Variants in ANO3 observed in about 807,000 individuals in gnomAD.
ANO3 encodes the protein anoctamin 3.
Under a neutral mutation model 144.8 loss-of-function variants are expected in ANO3, and 99 were observed. The ratio of observed to expected loss-of-function variants is 0.68; its 90% CI spans 0.58 to 0.81. The LOEUF (loss-of-function observed/expected upper bound fraction) is 0.81, where lower values mean the gene tolerates loss of function less well. Among genes scored for constraint, ANO3 ranks in the 30% least tolerant of loss-of-function variants. The probability of loss-of-function intolerance (pLI) is 0.00; values close to 1 mark genes in which losing one functional copy is unlikely to be tolerated. For missense variants in ANO3, 905 were observed against 1,202.2 expected, an observed-to-expected ratio of 0.75 and a Z score of 3.66; for synonymous variants, 414 against 392.6, an observed-to-expected ratio of 1.05 and a Z score of -0.64.
intron 17 of ANO3, among the ~76,000 whole-genome samples, chr11:26,600,838 C>T (rs1008657316): frequency 6.6e-5 from 10 of 151,882 alleles, no homozygotes; most frequent in African/African-American, 2.4e-4. Context: ...GCTTATTTAA[C>T]TTAAATCATC....
chr11:26,404,684 C>A (rs1295217019), intron 1 of ANO3, among the ~76,000 whole-genome samples: 1 of 151,318 alleles, frequency 6.6e-6, no homozygotes, highest in Non-Finnish European at 1.5e-5. Context: ...AGTAAGGAGT[C>A]GAAGGGAGGG....
intron 1 of ANO3, among the ~76,000 whole-genome samples, chr11:26,335,571 G>T (rs1855170703): frequency 6.6e-6 from 1 of 152,068 alleles, no homozygotes; most frequent in Non-Finnish European, 1.5e-5. Context: ...AATTCCCATA[G>T]AAATTTTTAG....
chr11:26,245,018 T>TGTGTGTGCGCGC (rs151031559), intron 1 of ANO3, among the ~76,000 whole-genome samples: 12,191 of 145,336 alleles, frequency 0.084, 706 homozygotes, highest in Non-Finnish European at 0.11. Context: ...TGTGTGTGTG[T>TGTGTGTGCGCGC]GTGCATGCAT....
Position 26,525,697 on chromosome 11 carries a change from C to A in ANO3, c.737+18C>A, listed in dbSNP as rs1370942588. The A allele has an allele frequency of 1.3e-6, 2 of 1,594,016 alleles. No individual in the cohort carries two copies. Among genetic ancestry groups the A allele is most frequent in the East Asian group, 2.3e-5 (1 of 43,954 alleles). ...ATGGGCAGGTTGGTGGGTGATGAAT[C>A]ATTTCTTTATAACAAATTTGTCGTT... On this transcript the variant is annotated intron_variant, in intron 7 of 26. Transcript: ENST00000256737.
chr11:26,654,818 T>G (rs10835049), intron 24 of ANO3, among the ~76,000 whole-genome samples: 1 of 151,330 alleles, frequency 6.6e-6, no homozygotes, highest in Non-Finnish European at 1.5e-5. Context: ...CAGTTGAATT[T>G]TATAAAACAT....
At chr11:26,362,825 C>G (rs1009924084) in intron 1 of ANO3, among the ~76,000 whole-genome samples, 1 of 152,086 alleles carries the variant, frequency 6.6e-6, no homozygotes, top group Non-Finnish European at 1.5e-5. Flanking sequence ...TATATACCTT[C>G]TTTATAATTT....
chr11:26,296,803 G>C (rs1271166901), intron 1 of ANO3, among the ~76,000 whole-genome samples: 1 of 152,182 alleles, frequency 6.6e-6, no homozygotes, highest in African/African-American at 2.4e-5. Flanking sequence ...CAGCGAAGGA[G>C]ACAGCTTTTA....
At chr11:26,577,297 T>C (rs293984) in intron 14 of ANO3, among the ~76,000 whole-genome samples, 120,646 of 152,014 alleles carry the variant, frequency 0.79, 48,395 homozygotes, top group South Asian at 0.87. Flanking sequence ...GGCATGGTGG[T>C]TCACGCCTGT....
intron 4 of ANO3, among the ~76,000 whole-genome samples, chr11:26,482,086 CAG>C (rs1860241006): frequency 6.6e-6 from 1 of 151,788 alleles, no homozygotes; most frequent in Non-Finnish European, 1.5e-5. Flanking sequence ...CTCTTAGAGA[CAG>C]AGTCTCACTA....
chr11:26,424,055 A>T (rs536523872), intron 1 of ANO3, among the ~76,000 whole-genome samples: 15 of 151,986 alleles, frequency 9.9e-5, no homozygotes, highest in Non-Finnish European at 2.1e-4. Context: ...AAATTAAAGG[A>T]TAAATAAGTG....
chr11:26,318,906 A>G (rs768926001), intron 1 of ANO3, among the ~76,000 whole-genome samples: 1 of 152,192 alleles, frequency 6.6e-6, no homozygotes, highest in Non-Finnish European at 1.5e-5. Flanking sequence ...ATACATATAC[A>G]TAATTTTACA....
rs191149797 is a variant in ANO3 at position 26,402,329 on chromosome 11, A to G, written c.47-39589A>G. Among the ~76,000 whole-genome samples the G allele has an allele frequency of 7.2e-5, 11 of 152,148 alleles. No individual in the cohort carries two copies. The East Asian group carries it at 1.6e-3, about 21-fold the overall frequency. On this transcript the variant is annotated intron_variant, in intron 1 of 26. Transcript: ENST00000256737. ...ATTTTTTGACTTTTTAATAATAACT[A>G]TTCTCACTGGTGTGAGATGTTATCT...
At chr11:26,218,261 C>G (rs1375536007) in intron 1 of ANO3, among the ~76,000 whole-genome samples, 1 of 151,964 alleles carries the variant, frequency 6.6e-6, no homozygotes, top group Non-Finnish European at 1.5e-5. Context: ...TGAAGAATGA[C>G]CAGAGAAATG....
At chr11:26,222,964 T>A (rs72872714) in intron 1 of ANO3, among the ~76,000 whole-genome samples, 45,868 of 151,922 alleles carry the variant, frequency 0.3, 7,632 homozygotes, top group Non-Finnish European at 0.37. Flanking sequence ...TGATATTAGC[T>A]GTCAGCTCCC....
intron 1 of ANO3, among the ~76,000 whole-genome samples, chr11:26,378,287 A>T (rs910344095): frequency 2.0e-5 from 3 of 149,824 alleles, no homozygotes; most frequent in African/African-American, 7.3e-5. Flanking sequence ...ACTGATTTAG[A>T]CTCTCATGAG....
chr11:26,444,695 T>A (rs1440575429), intron 3 of ANO3, among the ~76,000 whole-genome samples: 1 of 152,200 alleles, frequency 6.6e-6, no homozygotes, highest in Non-Finnish European at 1.5e-5. Flanking sequence ...GATAAAGAAT[T>A]TCTGGCCTAA....
chr11:26,421,664 A>G (rs1857755917), intron 1 of ANO3, among the ~76,000 whole-genome samples: 1 of 152,052 alleles, frequency 6.6e-6, no homozygotes, highest in African/African-American at 2.4e-5. Context: ...AAGCACATGT[A>G]TGTTCATTGC....
chr11:26,435,408 T>A (rs1371726989), intron 1 of ANO3, among the ~76,000 whole-genome samples: 1 of 152,204 alleles, frequency 6.6e-6, no homozygotes, highest in Non-Finnish European at 1.5e-5. Flanking sequence ...GATGGTCTTG[T>A]GTAGAATCTT....
chr11:26,207,195 G>A (rs1271115189), intron 1 of ANO3, among the ~76,000 whole-genome samples: 1 of 152,058 alleles, frequency 6.6e-6, no homozygotes, highest in Non-Finnish European at 1.5e-5. Flanking sequence ...TATATCTTAT[G>A]TTAAGTGTTC....
Sources: gnomAD v4.1 joint callset for allele counts (sites outside exome capture counted in the v4.1 genomes callset) on GRCh38, gnomAD v4.1.1 for gene constraint, MANE v1.5 for transcripts, NCBI Gene and HGNC (gene_info 2026-07-23, HGNC 2026-07-21) for gene names.